The following PHC1 variants were observed in gnomAD, a reference collection of about 807,000 sequenced individuals.
The protein encoded by PHC1 is polyhomeotic homolog 1, also known as polyhomeotic-like protein 1.
Under a neutral mutation model 104.3 loss-of-function variants are expected in PHC1, and 12 were observed. That is an observed-to-expected ratio of 0.12 (90% CI 0.07 to 0.19). The LOEUF (loss-of-function observed/expected upper bound fraction) is 0.19. PHC1 is among the 10% of genes least tolerant of loss of function. The probability of loss-of-function intolerance (pLI) is 1.00; values close to 1 mark genes in which losing one functional copy is unlikely to be tolerated. For missense variants in PHC1, 671 were observed against 1,200.0 expected, an observed-to-expected ratio of 0.56 and a Z score of 6.51; for synonymous variants, 302 against 455.8, an observed-to-expected ratio of 0.66 and a Z score of 4.30.
chr12:8,936,748 T>C, intron 11 of PHC1, 108 bp from the exon 12 acceptor site: 1 of 723,564 alleles, frequency 1.4e-6, no homozygotes, highest in East Asian at 2.8e-5. Flanking sequence ...GTGTAGGTTT[T>C]TGGGGGTGAA....
intron 11 of PHC1, among the ~76,000 whole-genome samples, chr12:8,936,045 T>A (rs1945828891): frequency 2.0e-5 from 3 of 152,140 alleles, no homozygotes; most frequent in African/African-American, 7.2e-5. Flanking sequence ...ATTACAGGCG[T>A]GAGCCACCAC....
chr12:8,935,059 G>T, intron 10 of PHC1, 65 bp from the exon 11 acceptor site: 1 of 775,276 alleles, frequency 1.3e-6, no homozygotes, highest in Non-Finnish European at 2.1e-6. Flanking sequence ...GGGAAATGTT[G>T]GGGAAAGCTA....
Position 8,933,899 on chromosome 12 carries a change from C to G in PHC1, c.1928C>G (p.Ala643Gly). 1 of 1,613,194 alleles carries G rather than the reference C, an allele frequency of 6.2e-7. No individual in the cohort carries two copies. The change falls in exon 9 of 15, where the codon GCT (alanine) becomes GGT (glycine). Residue 643 changes from alanine (A) to glycine (G), a missense_variant. By Grantham distance (60) the Ala-to-Gly change is moderately conservative. This residue lies in a region of PHC1 where 95 missense variants were observed against 108.8 expected (regional missense o/e 0.87). Transcript: ENST00000544916. Reference protein sequence around the residue: ...KPQTLAVKRKADSEEERDDVS... With the variant: ...KPQTLAVKRKGDSEEERDDVS... ...CAGACATTGGCTGTCAAACGCAAGG[C>G]TGACTCTGAGGAGGAGAGAGATGAT...
In PHC1 at chr12:8,937,950, A is replaced by G. The variant is rs753700852; in HGVS notation, c.2750A>G (p.Asn917Ser). The change falls in exon 14 of 15, where the codon AAT (asparagine) becomes AGT (serine). Residue 917 changes from asparagine (N) to serine (S), a missense_variant. Physicochemically the swap from Asn to Ser is conservative, Grantham distance 46 (BLOSUM62 1). Around this residue, in one of 9 missense-constraint regions of PHC1, gnomAD observed 192 missense variants for 280.5 expected, o/e 0.68. Coordinates refer to ENST00000544916, the MANE Select transcript of PHC1 (RefSeq NM_004426.3). The part of the protein sequence containing the change: ...GHGERDLGNP[N>S]TAPPTPELHG... Reference sequence around the variant, plus strand: ...GGAGAACGTGACCTGGGGAATCCCAATACAGCTCCACCTACACCGGAATTA... The same window carrying G: ...GGAGAACGTGACCTGGGGAATCCCAGTACAGCTCCACCTACACCGGAATTA... 10 of 1,603,010 alleles carry G rather than the reference A, an allele frequency of 6.2e-6. No homozygotes were observed. The highest frequency in any genetic ancestry group is 4.5e-5 in the East Asian group (2 of 44,844).
At chr12:8,928,593 C>T (rs1263660738) in intron 6 of PHC1, among the ~76,000 whole-genome samples, 1 of 151,950 alleles carries the variant, frequency 6.6e-6, no homozygotes, top group Admixed American at 6.6e-5. Flanking sequence ...TTCTAAAATG[C>T]CCTTTTTATT....
chr12:8,935,626 C>CA (rs1945814727), intron 11 of PHC1, among the ~76,000 whole-genome samples: 1 of 148,492 alleles, frequency 6.7e-6, no homozygotes, highest in South Asian at 2.1e-4. Context: ...GACTCTGTCT[C>CA]AAAAAAAAGT....
At chr12:8,925,649 T>C (rs1268175322) in intron 6 of PHC1, among the ~76,000 whole-genome samples, 1 of 152,118 alleles carries the variant, frequency 6.6e-6, no homozygotes, top group African/African-American at 2.4e-5. Flanking sequence ...TTAAAAGTCT[T>C]GTATTCTTGG....
intron 7 of PHC1, 77 bp from the exon 8 acceptor site, chr12:8,932,486 A>T (rs1945714494): frequency 8.7e-6 from 13 of 1,495,244 alleles, no homozygotes; most frequent in Non-Finnish European, 1.0e-5. Flanking sequence ...TGGAAAAATG[A>T]ATTTACTTTT....
rs1945761626 is a variant in PHC1, at chr12:8,933,902, A to T, written c.1931A>T (p.Asp644Val). Residue 644 changes from aspartate to valine, a missense_variant, in exon 9 of 15, where the codon GAC (aspartate) becomes GTC (valine). Around this residue, in one of 9 missense-constraint regions of PHC1, gnomAD observed 95 missense variants for 108.8 expected, o/e 0.87. Coordinates refer to ENST00000544916, the MANE Select transcript of PHC1 (RefSeq NM_004426.3). ...ACATTGGCTGTCAAACGCAAGGCTG[A>T]CTCTGAGGAGGAGAGAGATGATGTC... ...PQTLAVKRKADSEEERDDVST... is the reference protein window; with the variant it reads ...PQTLAVKRKAVSEEERDDVST... 8 of 1,613,368 alleles carry T rather than the reference A, an allele frequency of 5.0e-6. No homozygotes were observed. The highest frequency in any genetic ancestry group is 6.8e-6 in the Non-Finnish European group (8 of 1,179,258).
intron 6 of PHC1, among the ~76,000 whole-genome samples, chr12:8,927,233 G>A (rs1014804846): frequency 1.3e-5 from 2 of 152,336 alleles, no homozygotes; most frequent in Admixed American, 1.3e-4. Context: ...CAGTTGTTTG[G>A]GGGGTGGTGA....
Position 8,926,356 on chromosome 12 carries a change from C to G in PHC1, c.612+3568C>G, listed in dbSNP as rs527882867. Among the ~76,000 whole-genome samples, 157 of 152,318 alleles carry G rather than the reference C, an allele frequency of 1.0e-3. 1 individual carries two copies. Among genetic ancestry groups the G allele is most frequent in the Middle Eastern group, 6.8e-3 (2 of 294 alleles). On this transcript the variant is annotated intron_variant, in intron 6 of 14. Transcript: ENST00000544916. ...GAGAGGCCGGGCACAGTGGCTCATGCCTATAATCCCAGCACTTTGGGAGGC... is the reference window on the plus strand; with the variant it reads ...GAGAGGCCGGGCACAGTGGCTCATGGCTATAATCCCAGCACTTTGGGAGGC...
rs777959116 is a variant in PHC1, at chr12:8,934,024, A to G, written c.2041+12A>G. 9.9e-6 allele frequency: 16 copies of G among 1,613,656 alleles called. No individual in the cohort carries two copies. The highest frequency in any genetic ancestry group is 9.9e-5 in the South Asian group (9 of 91,076). ...GAGCAGTCTTGGAGGTGAGTAACTG[A>G]CTTCTAATGCTGTTGGAGAGCACAC... On this transcript the variant is annotated intron_variant, in intron 9 of 14. Coordinates refer to ENST00000544916, the MANE Select transcript of PHC1 (RefSeq NM_004426.3).
At chr12:8,923,603 T>C (rs1592193659) in intron 6 of PHC1, among the ~76,000 whole-genome samples, 2 of 151,076 alleles carry the variant, frequency 1.3e-5, no homozygotes, top group East Asian at 3.9e-4. Flanking sequence ...CCGAGGCGGG[T>C]GGATCACGAG....
intron 2 of PHC1, among the ~76,000 whole-genome samples, chr12:8,918,111 A>G (rs1167366707): frequency 6.6e-6 from 1 of 152,238 alleles, no homozygotes; most frequent in Non-Finnish European, 1.5e-5. Flanking sequence ...GAGTAATAGA[A>G]GTATCATGGA....
intron 6 of PHC1, 152 bp downstream of exon 6, chr12:8,922,940 A>G: frequency 1.5e-6 from 1 of 648,864 alleles, no homozygotes; most frequent in Non-Finnish European, 2.6e-6. Flanking sequence ...ATAGAACTTG[A>G]ATCCCATATA....
rs1945887911 is a variant in PHC1, at chr12:8,937,962, C to G, written c.2762C>G (p.Pro921Arg). 1 of 1,603,628 alleles carries G rather than the reference C, an allele frequency of 6.2e-7. No homozygotes were observed. Among genetic ancestry groups the G allele is most frequent in the Non-Finnish European group, 8.5e-7 (1 of 1,170,774 alleles). Residue 921 changes from proline to arginine, a missense_variant, in exon 14 of 15, where the codon CCT (proline) becomes CGT (arginine). Pro to Arg is a moderately radical substitution (Grantham distance 103). Transcript: ENST00000544916. The stretch of plus-strand genomic sequence containing the variant: ...CTGGGGAATCCCAATACAGCTCCAC[C>G]TACACCGGAATTACATGGCATCAAC... Reference protein sequence around the residue: ...RDLGNPNTAPPTPELHGINPV... With the variant: ...RDLGNPNTAPRTPELHGINPV...
chr12:8,915,700 A>G (rs141642465), intron 1 of PHC1: 2 of 142,552 alleles, frequency 1.4e-5, no homozygotes, highest in Non-Finnish European at 3.1e-5. Context: ...TCCATTTTTT[A>G]TATTTAATCT....
chr12:8,925,473 G>T (rs1305259387), intron 6 of PHC1, among the ~76,000 whole-genome samples: 2 of 152,180 alleles, frequency 1.3e-5, no homozygotes, highest in African/African-American at 4.8e-5. Context: ...ATTTAGAAAG[G>T]GACCTAACTT....
rs370885224 is a variant in PHC1, at chr12:8,922,797, C to T, written c.612+9C>T. On this transcript the variant is annotated intron_variant, in intron 6 of 14. Coordinates refer to ENST00000544916, the MANE Select transcript of PHC1 (RefSeq NM_004426.3). ...ATGCAGATGCAGATCAGGTTAGTGG[C>T]GATGACTTTACCTGTGGGTGGGCAC... 91 of 1,611,248 alleles carry T rather than the reference C, an allele frequency of 5.6e-5. No individual in the cohort carries two copies. In the East Asian group the frequency reaches 1.1e-3, roughly 19 times the overall value.
Sources: gnomAD v4.1 joint callset for allele counts (sites outside exome capture counted in the v4.1 genomes callset) on GRCh38, gnomAD v4.1.1 for gene constraint, gnomAD v4.1.1 regional missense constraint, MANE v1.5 for transcripts, NCBI Gene and HGNC (gene_info 2026-07-23, HGNC 2026-07-21) for gene names.